FOXO3: variants seen among roughly 807,000 people sequenced by gnomAD.
The protein encoded by FOXO3 is forkhead box protein O3.
Under a neutral mutation model 41.9 loss-of-function variants are expected in FOXO3, and 4 were observed. That is an observed-to-expected ratio of 0.10 (90% confidence interval 0.05 to 0.22). The LOEUF (loss-of-function observed/expected upper bound fraction) is 0.22. Among genes scored for constraint, FOXO3 ranks in the 10% least tolerant of loss-of-function variants. The pLI is 1.00. For missense variants in FOXO3, 534 were observed against 906.8 expected (o/e 0.59, Z 5.28); for synonymous variants, 318 against 389.3 (o/e 0.82, Z 2.16).
At chr6:108,644,581 G>T (rs1013297793) in intron 1 of FOXO3, among the ~76,000 whole-genome samples, 1 of 152,104 alleles carries the variant, frequency 6.6e-6, no homozygotes, top group South Asian at 2.1e-4. Context: ...GGTGGCTTCT[G>T]TTCTTTCTTT....
chr6:108,617,699 CA>C (rs1007174493), intron 1 of FOXO3, among the ~76,000 whole-genome samples: 3 of 152,106 alleles, frequency 2.0e-5, no homozygotes, highest in Admixed American at 1.3e-4. Context: ...GCAGGATGAG[CA>C]TGCCACTAAT....
chr6:108,654,023 C>T (rs750353999), intron 1 of FOXO3, among the ~76,000 whole-genome samples: 5 of 152,168 alleles, frequency 3.3e-5, no homozygotes, highest in African/African-American at 4.8e-5. Context: ...CCAAATGCTG[C>T]AGCTTTAACC....
intron 1 of FOXO3, among the ~76,000 whole-genome samples, chr6:108,604,711 G>T (rs1777144491): frequency 6.7e-6 from 1 of 149,266 alleles, no homozygotes; most frequent in African/African-American, 2.5e-5. Context: ...TGAAGGTTGG[G>T]TTTTTTTTTT....
At chr6:108,651,457 A>G (rs1204996063) in intron 1 of FOXO3, among the ~76,000 whole-genome samples, 1 of 152,224 alleles carries the variant, frequency 6.6e-6, no homozygotes, top group East Asian at 1.9e-4. Flanking sequence ...CTGTGCCCAC[A>G]CACTGGCATA....
intron 1 of FOXO3, among the ~76,000 whole-genome samples, chr6:108,624,540 G>A (rs926126618): frequency 6.6e-6 from 1 of 152,046 alleles, no homozygotes; most frequent in Non-Finnish European, 1.5e-5. Flanking sequence ...TGTAGTTGTT[G>A]GGCACATCCT....
intron 1 of FOXO3, among the ~76,000 whole-genome samples, chr6:108,580,182 C>CTTTT (rs1776368788): frequency 1.3e-5 from 1 of 79,270 alleles, no homozygotes. Flanking sequence ...AGCTCTTCTT[C>CTTTT]ATTTTTTTTT....
At chr6:108,614,933 CTT>C (rs1341054619) in intron 1 of FOXO3, among the ~76,000 whole-genome samples, 2 of 151,844 alleles carry the variant, frequency 1.3e-5, no homozygotes, top group Non-Finnish European at 2.9e-5. Context: ...AGGTACATCT[CTT>C]TGTTATTTTT....
At chr6:108,606,526 A>G (rs1388663816) in intron 1 of FOXO3, among the ~76,000 whole-genome samples, 3 of 152,230 alleles carry the variant, frequency 2.0e-5, no homozygotes, top group African/African-American at 7.2e-5. Flanking sequence ...TCGAGTTCCA[A>G]GTGTCTGCAC....
intron 1 of FOXO3, among the ~76,000 whole-genome samples, chr6:108,622,128 G>A (rs1032678983): frequency 1.3e-5 from 2 of 151,890 alleles, no homozygotes; most frequent in Non-Finnish European, 2.9e-5. Context: ...GTGTGGTGGC[G>A]CATGCCTGTC....
intron 1 of FOXO3, among the ~76,000 whole-genome samples, chr6:108,641,628 C>G (rs1778260495): frequency 6.6e-6 from 1 of 152,026 alleles, no homozygotes; most frequent in Admixed American, 6.6e-5. Flanking sequence ...CACCTTATTC[C>G]ATTTTTAATA....
chr6:108,611,365 A>G (rs570423565), intron 1 of FOXO3, among the ~76,000 whole-genome samples: 36 of 152,272 alleles, frequency 2.4e-4, no homozygotes, highest in Non-Finnish European at 3.4e-4. Flanking sequence ...TTATTCATGT[A>G]TTTGTGATAA....
chr6:108,628,618 A>G (rs1450951215), intron 1 of FOXO3, among the ~76,000 whole-genome samples: 1 of 152,214 alleles, frequency 6.6e-6, no homozygotes, highest in Non-Finnish European at 1.5e-5. Context: ...CCTCTTTTCC[A>G]GGTCCAGTTG....
chr6:108,658,962 G>A (rs1340947421), intron 1 of FOXO3, among the ~76,000 whole-genome samples: 2 of 152,114 alleles, frequency 1.3e-5, no homozygotes, highest in African/African-American at 4.8e-5. Context: ...ACAGCTCACT[G>A]CAGCCTCAGC....
At chr6:108,650,043 AC>A (rs1778505535) in intron 1 of FOXO3, among the ~76,000 whole-genome samples, 1 of 152,128 alleles carries the variant, frequency 6.6e-6, no homozygotes, top group Admixed American at 6.6e-5. Context: ...CAAATGAAAA[AC>A]CTGACTAAAG....
At chr6:108,649,515 CTTTTTTTT>C (rs886836999) in intron 1 of FOXO3, among the ~76,000 whole-genome samples, 2 of 95,206 alleles carry the variant, frequency 2.1e-5, no homozygotes, top group Non-Finnish European at 4.3e-5. Context: ...CCACCCTCAG[CTTTTTTTT>C]TTTTTTTTTT....
rs1477962247 is a variant in FOXO3, at chr6:108,681,686, A to G, written c.*1894A>G. 2 of 152,128 alleles carry G rather than the reference A, an allele frequency of 1.3e-5. No individual in the cohort carries two copies. The highest frequency in any genetic ancestry group is 2.9e-5 in the Non-Finnish European group (2 of 67,998). The allele number at this position is 152,128 out of a possible 1,614,324, so 9.4% of individuals were successfully genotyped here. A position where few individuals can be genotyped will look rare whatever the true frequency, so the allele number is the denominator to read the frequency against. ...TGTAAATTGTTGTGCAATTGTGGTT[A>G]TAGTAGACTGTAGCACATTGCCTTT... is the stretch of plus-strand genomic sequence containing the variant. On this transcript the variant is annotated 3_prime_UTR_variant, in exon 3 of 3. Transcript: ENST00000406360.
At chr6:108,649,966 T>C (rs933944042) in intron 1 of FOXO3, among the ~76,000 whole-genome samples, 7 of 152,136 alleles carry the variant, frequency 4.6e-5, no homozygotes, top group African/African-American at 1.7e-4. Context: ...TATTTAATGA[T>C]TTGTTAATCC....
chr6:108,609,703 G>T (rs1012587233), intron 1 of FOXO3, among the ~76,000 whole-genome samples: 1 of 152,162 alleles, frequency 6.6e-6, no homozygotes, highest in Non-Finnish European at 1.5e-5. Context: ...TTAGCCACTT[G>T]TGCCAACAAA....
At position 108,607,464 on chromosome 6, in the gene FOXO3, AAG is replaced by A. The variant is rs1777240679; in HGVS notation, c.621+45637_621+45638del. ...GACTATCTCAAAAAAAAAAAAAAAA[AAG>A]AAGAAGGAGTTTCTGTACTCCCTTC... On this transcript the variant is annotated intron_variant, in intron 1 of 2. Transcript: ENST00000406360. Among the ~76,000 whole-genome samples, 4 of 150,904 alleles carry A rather than the reference AAG, an allele frequency of 2.7e-5. No individual in the cohort carries two copies. In the South Asian group the frequency reaches 6.3e-4, roughly 24 times the overall value.
Sources: gnomAD v4.1 joint callset for allele counts (sites outside exome capture counted in the v4.1 genomes callset) on GRCh38, gnomAD v4.1.1 for gene constraint, MANE v1.5 for transcripts, NCBI Gene and HGNC (gene_info 2026-07-23, HGNC 2026-07-21) for gene names.